Variants in FNDC3B observed in about 807,000 individuals in gnomAD.
FNDC3B encodes the protein fibronectin type III domain-containing protein 3B.
FNDC3B carries 12 observed loss-of-function variants against 151.5 expected under a neutral mutation model. The ratio of observed to expected loss-of-function variants is 0.08; its 90% confidence interval spans 0.05 to 0.13. FNDC3B has a LOEUF of 0.13. Ranked by LOEUF, FNDC3B falls within the 10% of genes least tolerant of loss-of-function variation. FNDC3B has a pLI of 1.00. For missense variants in FNDC3B, 1,214 were observed against 1,505.3 expected, an observed-to-expected ratio of 0.81 and a Z score of 3.20; for synonymous variants, 528 against 549.0, an observed-to-expected ratio of 0.96 and a Z score of 0.54.
intron 23 of FNDC3B, among the ~76,000 whole-genome samples, chr3:172,363,312 T>G (rs1453708169): frequency 6.6e-6 from 1 of 152,152 alleles, no homozygotes; most frequent in Non-Finnish European, 1.5e-5. Context: ...CTATGGGCAA[T>G]GCAATATCAA....
chr3:172,163,244 C>T (rs1722864715), intron 3 of FNDC3B, among the ~76,000 whole-genome samples: 1 of 151,708 alleles, frequency 6.6e-6, no homozygotes, highest in African/African-American at 2.4e-5. Flanking sequence ...GCACTCCAGC[C>T]TGGGCAACAG....
chr3:172,320,286 A>G (rs1471961533), intron 11 of FNDC3B, among the ~76,000 whole-genome samples: 4 of 152,174 alleles, frequency 2.6e-5, no homozygotes, highest in Non-Finnish European at 5.9e-5. Flanking sequence ...AGGCTGAGGC[A>G]GGAGAATCGC....
At chr3:172,132,823 G>A (rs925187580) in intron 2 of FNDC3B, among the ~76,000 whole-genome samples, 8 of 152,206 alleles carry the variant, frequency 5.3e-5, no homozygotes, top group African/African-American at 1.4e-4. Context: ...TTGACAGAAC[G>A]TACTTTGCTA....
intron 7 of FNDC3B, among the ~76,000 whole-genome samples, chr3:172,294,762 G>C (rs1005461079): frequency 2.6e-5 from 4 of 152,150 alleles, no homozygotes; most frequent in African/African-American, 9.7e-5. Flanking sequence ...GAAGGTTCTG[G>C]GTATTTTAAG....
chr3:172,244,660 T>C (rs993342903), intron 4 of FNDC3B, among the ~76,000 whole-genome samples: 3 of 137,852 alleles, frequency 2.2e-5, no homozygotes, highest in Non-Finnish European at 4.6e-5. Context: ...CGTCTCCGTC[T>C]GTCACCCAGG....
intron 3 of FNDC3B, among the ~76,000 whole-genome samples, chr3:172,141,830 G>A (rs1168656715): frequency 6.6e-6 from 1 of 151,796 alleles, no homozygotes; most frequent in African/African-American, 2.4e-5. Context: ...CAGCCTGGGA[G>A]ACAGAGTGAG....
chr3:172,063,042 A>G (rs1453753119), intron 1 of FNDC3B, among the ~76,000 whole-genome samples: 1 of 152,194 alleles, frequency 6.6e-6, no homozygotes, highest in Non-Finnish European at 1.5e-5. Flanking sequence ...TCTCTTTTGA[A>G]TGATCCATTG....
At chr3:172,213,768 C>G (rs758301288) in intron 3 of FNDC3B, among the ~76,000 whole-genome samples, 6 of 152,128 alleles carry the variant, frequency 3.9e-5, no homozygotes, top group Non-Finnish European at 5.9e-5. Context: ...TTTTGAGGAG[C>G]TAACTTTAAA....
At chr3:172,346,204 T>C (rs572821779) in intron 19 of FNDC3B, 123 bp from the exon 20 acceptor site, 80 of 474,862 alleles carry the variant, frequency 1.7e-4, no homozygotes, top group Non-Finnish European at 2.5e-4. Flanking sequence ...TATTTGTTAA[T>C]TAGTTGTGTT....
intron 8 of FNDC3B, among the ~76,000 whole-genome samples, chr3:172,297,836 A>G (rs1730718678): frequency 1.3e-5 from 2 of 152,196 alleles, no homozygotes; most frequent in South Asian, 2.1e-4. Context: ...GATATTTCCT[A>G]TAAGAATTTT....
chr3:172,170,313 G>A (rs953661401), intron 3 of FNDC3B, among the ~76,000 whole-genome samples: 2 of 152,274 alleles, frequency 1.3e-5, no homozygotes, highest in South Asian at 2.1e-4. Flanking sequence ...TCCTTCCCCC[G>A]TGTTCCGCTT....
At chr3:172,113,986 G>T (rs1031491821) in intron 2 of FNDC3B, among the ~76,000 whole-genome samples, 1 of 152,046 alleles carries the variant, frequency 6.6e-6, no homozygotes, top group African/African-American at 2.4e-5. Context: ...ATCTCACTAG[G>T]GTAGGACAGG....
At chr3:172,168,719 C>CTT (rs775314296) in intron 3 of FNDC3B, among the ~76,000 whole-genome samples, 14,714 of 133,048 alleles carry the variant, frequency 0.11, 1,028 homozygotes, top group Non-Finnish European at 0.13. Context: ...TTTTCTTTTA[C>CTT]TTTTTTTTTT....
At chr3:172,327,510 C>T (rs1037873904) in intron 11 of FNDC3B, among the ~76,000 whole-genome samples, 11 of 152,208 alleles carry the variant, frequency 7.2e-5, no homozygotes, top group African/African-American at 2.2e-4. Context: ...ACGCCATTCT[C>T]CCTCCTCAGC....
At chr3:172,392,114 A>G (rs1736041553) in intron 25 of FNDC3B, among the ~76,000 whole-genome samples, 2 of 152,218 alleles carry the variant, frequency 1.3e-5, no homozygotes, top group African/African-American at 4.8e-5. Flanking sequence ...GGCAGTCACC[A>G]TAACAATGGG....
chr3:172,060,068 C>G (rs1258647758), intron 1 of FNDC3B, among the ~76,000 whole-genome samples: 1 of 152,214 alleles, frequency 6.6e-6, no homozygotes, highest in African/African-American at 2.4e-5. Flanking sequence ...GGTCTTCGGA[C>G]TCAATTGACT....
rs181298659 is a variant in FNDC3B at position 172,230,380 on chromosome 3, C to T, written c.264+3433C>T. Among the ~76,000 whole-genome samples the T allele has an allele frequency of 2.1e-3, 319 of 151,486 alleles. 2 individuals carry two copies. Among genetic ancestry groups the T allele is most frequent in the African/African-American group, 7.3e-3 (300 of 41,360 alleles). On this transcript the variant is annotated intron_variant, in intron 4 of 25. Transcript: ENST00000415807. ...TTAGCCAAGTGTGGTGGCACATGCCCGTAGTCCCAGCTACTCAGGAGGCTG... is the reference window on the plus strand; with the variant it reads ...TTAGCCAAGTGTGGTGGCACATGCCTGTAGTCCCAGCTACTCAGGAGGCTG...
chr3:172,062,053 G>A (rs938886020), intron 1 of FNDC3B, among the ~76,000 whole-genome samples: 4 of 152,164 alleles, frequency 2.6e-5, no homozygotes, highest in African/African-American at 9.7e-5. Context: ...CTGGTGCTGA[G>A]GTTAAGTTTG....
At chr3:172,150,094 G>A (rs1199500946) in intron 3 of FNDC3B, among the ~76,000 whole-genome samples, 1 of 152,088 alleles carries the variant, frequency 6.6e-6, no homozygotes, top group Non-Finnish European at 1.5e-5. Flanking sequence ...TGGGATTACA[G>A]GTGTGAGCCA....
Sources: gnomAD v4.1 joint callset for allele counts (sites outside exome capture counted in the v4.1 genomes callset) on GRCh38, gnomAD v4.1.1 for gene constraint, MANE v1.5 for transcripts, NCBI Gene and HGNC (gene_info 2026-07-23, HGNC 2026-07-21) for gene names.